The following STK3 variants were observed in gnomAD, a reference collection of about 807,000 sequenced individuals.
The protein encoded by STK3 is serine/threonine-protein kinase 3.
STK3 carries 41 observed loss-of-function variants against 58.0 expected under a neutral mutation model. The observed-to-expected ratio is 0.71, with a 90% CI of 0.55 to 0.92. The LOEUF is 0.92. STK3 is among the 40% of genes least tolerant of loss of function. STK3 has a pLI of 0.00. For synonymous variants in STK3, 170 were observed against 191.0 expected, an observed-to-expected ratio of 0.89 and a Z score of 0.91; for missense variants, 479 against 602.7, an observed-to-expected ratio of 0.79 and a Z score of 2.15.
downstream of STK3, chr8:98,883,728 G>A (rs1261877254): frequency 7.1e-6 from 5 of 702,946 alleles, no homozygotes; most frequent in Non-Finnish European, 1.3e-5. Context: ...AAGGCAGATG[G>A]TAATGCCACT....
At chr8:98,361,039 T>C in the STK3 span, among the ~76,000 whole-genome samples, 1 of 152,328 alleles carries the variant, frequency 6.6e-6, no homozygotes, top group Admixed American at 6.5e-5. Flanking sequence ...ATTTTGTCAG[T>C]CTGATAATCT....
intron 6 of STK3, among the ~76,000 whole-genome samples, chr8:98,654,462 T>C (rs569985211): frequency 8.1e-4 from 123 of 152,176 alleles, no homozygotes; most frequent in African/African-American, 2.7e-3. Flanking sequence ...CTATTCAACA[T>C]AGTGTTGGAA....
intron 3 of STK3, among the ~76,000 whole-genome samples, chr8:98,834,712 T>G (rs2922073): frequency 0.27 from 40,609 of 152,168 alleles, 6,170 homozygotes; most frequent in East Asian, 0.45. Flanking sequence ...ATTCCATTCA[T>G]GAGGGTAGCC....
At chr8:98,381,661 C>A (rs1026185096) in intron 1 of STK3, among the ~76,000 whole-genome samples, 1 of 152,214 alleles carries the variant, frequency 6.6e-6, no homozygotes, top group Non-Finnish European at 1.5e-5. Context: ...AACTCTCACA[C>A]CTTTTGAGGT....
At chr8:98,595,769 G>GAAA in intron 7 of STK3, 3 of 292,872 alleles carry the variant, frequency 1.0e-5, no homozygotes, top group Non-Finnish European at 1.3e-5. Flanking sequence ...AGGAACAGAA[G>GAAA]AAAAAAAAAA....
chr8:98,817,571 T>C (rs992781529), intron 1 of STK3, among the ~76,000 whole-genome samples: 8 of 152,314 alleles, frequency 5.3e-5, no homozygotes, highest in African/African-American at 1.7e-4. Flanking sequence ...CTTGGGATTA[T>C]GAAATTCCAA....
At chr8:98,910,521 T>A (rs1839087765) in intron 1 of STK3, among the ~76,000 whole-genome samples, 1 of 152,234 alleles carries the variant, frequency 6.6e-6, no homozygotes, top group Admixed American at 6.5e-5. Flanking sequence ...TATAGTGTGA[T>A]CAACTTTGTA....
chr8:98,597,227 T>TTGGTTTCTTACTTG (rs1815904141), intron 6 of STK3: 1 of 948,948 alleles, frequency 1.1e-6, no homozygotes, highest in Non-Finnish European at 1.3e-6. Flanking sequence ...TTTAATATAA[T>TTGGTTTCTTACTTG]GCATTATCAT....
chr8:98,785,020 G>T (rs1003351888), intron 1 of STK3, among the ~76,000 whole-genome samples: 1 of 152,084 alleles, frequency 6.6e-6, no homozygotes, highest in African/African-American at 2.4e-5. Flanking sequence ...TCAGCAGCCT[G>T]AACTGCTCCA....
intron 6 of STK3, among the ~76,000 whole-genome samples, chr8:98,619,465 G>A (rs1818062818): frequency 6.9e-6 from 1 of 145,980 alleles, no homozygotes; most frequent in African/African-American, 2.6e-5. Context: ...ATTGACAAAT[G>A]GGATCTAATT....
chr8:98,739,256 G>A (rs568589310), intron 4 of STK3, among the ~76,000 whole-genome samples: 9 of 152,326 alleles, frequency 5.9e-5, no homozygotes, highest in Non-Finnish European at 1.2e-4. Flanking sequence ...CTCCCAGCAC[G>A]CAGCTGGAGA....
intron 4 of STK3, among the ~76,000 whole-genome samples, chr8:98,731,145 C>T (rs1008993074): frequency 6.6e-6 from 1 of 151,998 alleles, no homozygotes; most frequent in African/African-American, 2.4e-5. Context: ...CAAGTGAGTA[C>T]AATAAATTTG....
At position 98,430,400 on chromosome 8, in the gene STK3, T is replaced by A. The variant is rs187157441; in HGVS notation, n.483+3727A>T. On this transcript the variant is annotated intron_variant and non_coding_transcript_variant, in intron 3 of 3. Coordinates refer to the STK3 transcript ENST00000517832. ...GTAAGGTCGTGTTGTCTTCCTCAACTAAAAAGAAGTTTACTGTTGTATCGT... is the reference window on the plus strand; with the variant it reads ...GTAAGGTCGTGTTGTCTTCCTCAACAAAAAAGAAGTTTACTGTTGTATCGT... 4.8e-5 allele frequency: 8 copies of A among 167,230 alleles called. No individual in the cohort carries two copies. In the East Asian group the frequency reaches 1.5e-3, roughly 32 times the overall value. 10.4% of individuals were successfully genotyped at this position (167,230 alleles called of 1,614,324 possible).
chr8:98,723,295 T>C (rs970561933), intron 4 of STK3, among the ~76,000 whole-genome samples: 1 of 152,120 alleles, frequency 6.6e-6, no homozygotes, highest in African/African-American at 2.4e-5. Flanking sequence ...CTGGTTTCAA[T>C]TGGTATGAAT....
intron 7 of STK3, among the ~76,000 whole-genome samples, chr8:98,586,501 G>A (rs919278306): frequency 7.3e-5 from 11 of 149,666 alleles, no homozygotes; most frequent in Admixed American, 3.3e-4. Flanking sequence ...CGGTTTGCCA[G>A]TATTTTATTG....
At chr8:98,472,524 T>C (rs1033152084) in intron 10 of STK3, among the ~76,000 whole-genome samples, 1 of 152,196 alleles carries the variant, frequency 6.6e-6, no homozygotes, top group East Asian at 1.9e-4. Flanking sequence ...ATACATTGTA[T>C]CACATGAACC....
At chr8:98,552,765 TC>T (rs1811278371) in intron 8 of STK3, among the ~76,000 whole-genome samples, 1 of 152,168 alleles carries the variant, frequency 6.6e-6, no homozygotes, top group South Asian at 2.1e-4. Context: ...TGTTTTAACC[TC>T]TGAATCCTCA....
chr8:98,539,814 C>T (rs573622781), intron 9 of STK3, among the ~76,000 whole-genome samples: 3 of 152,164 alleles, frequency 2.0e-5, no homozygotes, highest in South Asian at 2.1e-4. Flanking sequence ...AGTGCTGTTG[C>T]GGGATCTCAG....
At chr8:98,522,548 T>C (rs1031710080) in intron 10 of STK3, among the ~76,000 whole-genome samples, 2 of 152,118 alleles carry the variant, frequency 1.3e-5, no homozygotes, top group Non-Finnish European at 2.9e-5. Context: ...ATGCATTTTT[T>C]ATGCAAAAAA....
Sources: allele counts gnomAD v4.1 joint callset (sites outside exome capture counted in the v4.1 genomes callset), GRCh38; gene constraint gnomAD v4.1.1; transcripts MANE v1.5; gene names NCBI Gene and HGNC (gene_info 2026-07-23, HGNC 2026-07-21).